The following TBCD variants were observed in gnomAD, a reference collection of about 807,000 sequenced individuals.
TBCD encodes the protein tubulin-specific chaperone D.
Under a neutral mutation model 169.3 loss-of-function variants are expected in TBCD, and 105 were observed. That is an observed-to-expected ratio of 0.62 (90% CI 0.53 to 0.73). TBCD has a LOEUF of 0.73. Ranked by LOEUF, TBCD falls within the 30% of genes least tolerant of loss-of-function variation. TBCD has a pLI of 0.00. For synonymous variants in TBCD, 700 were observed against 643.9 expected, an observed-to-expected ratio of 1.09 and a Z score of -1.32; for missense variants, 1,444 against 1,600.1, an observed-to-expected ratio of 0.90 and a Z score of 1.66.
At chr17:82,809,845 C>T in intron 12 of TBCD, 63 bp downstream of exon 12, 1 of 1,479,172 alleles carries the variant, frequency 6.8e-7, no homozygotes, top group Non-Finnish European at 9.3e-7. Context: ...CCTGGCTTTC[C>T]TTATATCCTT....
intron 13 of TBCD, among the ~76,000 whole-genome samples, chr17:82,827,651 C>T (rs748954295): frequency 1.3e-5 from 2 of 152,142 alleles, no homozygotes; most frequent in East Asian, 3.8e-4. Flanking sequence ...CACGTTGACA[C>T]GTGTACACCC....
At chr17:82,756,047 G>C in intron 1 of TBCD, 118 bp from the exon 2 acceptor site, 1 of 880,304 alleles carries the variant, frequency 1.1e-6, no homozygotes, top group Non-Finnish European at 1.8e-6. Context: ...GTGCTCTTGA[G>C]AGCTGGGGAA....
At chr17:82,918,277 AACTC>A (rs995528279) in intron 23 of TBCD, 5 of 149,812 alleles carry the variant, frequency 3.3e-5, no homozygotes, top group Middle Eastern at 6.9e-3. Context: ...TTCTGTAACT[AACTC>A]CACACTCAAA....
intron 13 of TBCD, among the ~76,000 whole-genome samples, chr17:82,840,810 C>A (rs1450259371): frequency 2.0e-5 from 3 of 152,064 alleles, no homozygotes; most frequent in Non-Finnish European, 4.4e-5. Context: ...CCAGTTGTAG[C>A]GAAGGCTGGC....
In TBCD at chr17:82,929,247, G is replaced by T. The variant is rs8072406; in HGVS notation, c.2828G>T (p.Gly943Val). Residue 943 changes from glycine (G) to valine (V), a missense_variant, in exon 31 of 39, where the codon GGA becomes GTA. Transcript: ENST00000355528. The part of the protein sequence containing the change: ...SPPIPHVPHR[G>V]ELEKLFPRSD... ...CCCATCCCCCACGTGCCCCACCGAG[G>T]AGAACTGGAAAAGCTGTTTCCCAGG... The T allele has an allele frequency of 4.1e-3, 6,623 of 1,613,860 alleles. 271 individuals are homozygous for T. In the African/African-American group the frequency reaches 0.076, roughly 19 times the overall value.
Position 82,915,019 on chromosome 17 carries a change from G to A in TBCD, c.2038+3230G>A, listed in dbSNP as rs187061172. Among the ~76,000 whole-genome samples the A allele has an allele frequency of 2.0e-3, 303 of 152,216 alleles. No individual in the cohort carries two copies. Among genetic ancestry groups the A allele is most frequent in the Non-Finnish European group, 3.3e-3 (227 of 68,020 alleles). ...CCTTGCTTCTGTATTTCTGAGTTCTGTATGTACGCAGCTGTTTCCTGATAT... is the reference window on the plus strand; with the variant it reads ...CCTTGCTTCTGTATTTCTGAGTTCTATATGTACGCAGCTGTTTCCTGATAT... On this transcript the variant is annotated intron_variant, in intron 23 of 38. Transcript: ENST00000355528. This position sits in a 1 kb window ranked among gnomAD's most constrained non-coding sequence, Gnocchi z 4.3.
intron 7 of TBCD, among the ~76,000 whole-genome samples, chr17:82,785,149 G>A (rs2049219393): frequency 9.3e-6 from 1 of 107,560 alleles, no homozygotes; most frequent in South Asian, 3.5e-4. Flanking sequence ...CCATCGCAGC[G>A]GGAGGGGGGT....
In TBCD at chr17:82,930,691, C is replaced by G. The variant is rs755877788; in HGVS notation, c.3113+48C>G. On this transcript the variant is annotated intron_variant, in intron 33 of 38. Coordinates refer to ENST00000355528, the MANE Select transcript of TBCD (RefSeq NM_005993.5). The surrounding 1 kb of genome is among the most constrained non-coding windows in gnomAD (Gnocchi z 5.2). Reference sequence around the variant, plus strand: ...TCAGAGGCGTGAGTGGTGCTGGTGCCTCTCACCACGTTCCCACAGATTCCC... The same window carrying G: ...TCAGAGGCGTGAGTGGTGCTGGTGCGTCTCACCACGTTCCCACAGATTCCC... 6.2e-6 allele frequency: 10 copies of G among 1,611,878 alleles called. No homozygotes were observed. The highest frequency in any genetic ancestry group is 1.3e-5 in the African/African-American group (1 of 74,898).
chr17:82,937,137 A>C, intron 34 of TBCD, 134 bp from the exon 35 acceptor site: 1 of 709,026 alleles, frequency 1.4e-6, no homozygotes, highest in South Asian at 1.8e-5. Context: ...TTGCTGGCAG[A>C]GGGGCCTCAG....
rs1363046143 is a variant in TBCD, at chr17:82,884,371, T to C, written c.1533+169T>C. The stretch of plus-strand genomic sequence containing the variant: ...GGGCAGGCCACTGGTTCTTACTGTC[T>C]CTGGGCGTCTTCAGCGTGTGAAGGG... On this transcript the variant is annotated intron_variant, in intron 15 of 38. Coordinates refer to ENST00000355528, the MANE Select transcript of TBCD (RefSeq NM_005993.5). The surrounding 1 kb of genome is among the most constrained non-coding windows in gnomAD (Gnocchi z 4.2). Among the ~76,000 whole-genome samples the C allele has an allele frequency of 1.3e-5, 2 of 152,156 alleles. No homozygotes were observed. Among genetic ancestry groups the C allele is most frequent in the African/African-American group, 4.8e-5 (2 of 41,426 alleles).
chr17:82,827,852 A>C (rs2053016930), intron 13 of TBCD, among the ~76,000 whole-genome samples: 1 of 131,720 alleles, frequency 7.6e-6, no homozygotes, highest in South Asian at 2.5e-4. Flanking sequence ...CACACAATTG[A>C]ATGCACACAC....
chr17:82,861,233 G>A (rs549695676), intron 13 of TBCD, among the ~76,000 whole-genome samples: 9 of 152,192 alleles, frequency 5.9e-5, no homozygotes, highest in East Asian at 1.9e-4. Context: ...CCTGCCAGGC[G>A]TTGGGCTTGG....
chr17:82,838,335 T>TAA (rs11370957), intron 13 of TBCD, among the ~76,000 whole-genome samples: 342 of 149,938 alleles, frequency 2.3e-3, no homozygotes, highest in African/African-American at 6.5e-3. Context: ...AAAGAGTTCT[T>TAA]AAAAAAAAAA....
chr17:82,912,085 G>A (rs1819898602), intron 23 of TBCD, among the ~76,000 whole-genome samples: 1 of 152,238 alleles, frequency 6.6e-6, no homozygotes, highest in African/African-American at 2.4e-5. Flanking sequence ...TGGGGCAGTG[G>A]GGCCAGTGCT....
chr17:82,936,210 C>T (rs530884776), intron 34 of TBCD, among the ~76,000 whole-genome samples: 5 of 152,226 alleles, frequency 3.3e-5, no homozygotes, highest in Admixed American at 6.5e-5. Flanking sequence ...GCTTCATTAC[C>T]TTTGGCCCGC....
chr17:82,775,578 C>G (rs1385889597), intron 6 of TBCD, among the ~76,000 whole-genome samples: 2 of 152,082 alleles, frequency 1.3e-5, no homozygotes, highest in African/African-American at 4.8e-5. Context: ...CCCTGTATCA[C>G]TGGCGGCTCT....
At chr17:82,878,529 A>G (rs2058124757) in intron 14 of TBCD, among the ~76,000 whole-genome samples, 1 of 135,468 alleles carries the variant, frequency 7.4e-6, no homozygotes, top group African/African-American at 2.7e-5. Flanking sequence ...GTTACTGGAA[A>G]GAGTGATGTG....
At chr17:82,907,858 A>G (rs758381853) in intron 21 of TBCD, 37 bp downstream of exon 21, 1 of 1,603,276 alleles carries the variant, frequency 6.2e-7, no homozygotes, top group Non-Finnish European at 8.5e-7. Context: ...CTCAGGAGGC[A>G]TCACAGGACC....
chr17:82,797,739 CTTTTTTT>C lies in TBCD; in HGVS notation c.772-9_772-3del. On this transcript the variant is annotated splice_polypyrimidine_tract_variant and intron_variant, in intron 7 of 38. Coordinates refer to ENST00000355528, the MANE Select transcript of TBCD (RefSeq NM_005993.5). ...TATTTGTATTTGTAACATTAAAAAT[CTTTTTTT>C]TTTTTTTTAGGCACAAATATTTAAA... 5.3e-6 allele frequency: 7 copies of C among 1,331,590 alleles called. No homozygotes were observed. Among genetic ancestry groups the C allele is most frequent in the Non-Finnish European group, 3.0e-6 (3 of 989,848 alleles). 82.5% of individuals were successfully genotyped at this position (1,331,590 alleles called of 1,614,324 possible). A position where few individuals can be genotyped will look rare whatever the true frequency, so the allele number is the denominator to read the frequency against.
Sources: allele counts gnomAD v4.1 joint callset (sites outside exome capture counted in the v4.1 genomes callset), GRCh38; gene constraint gnomAD v4.1.1; non-coding constraint Gnocchi (gnomAD v3.1); transcripts MANE v1.5; gene names NCBI Gene and HGNC (gene_info 2026-07-23, HGNC 2026-07-21).